NOS1AP: variants seen among roughly 807,000 people sequenced by gnomAD.
The protein encoded by NOS1AP is nitric oxide synthase 1 adaptor protein.
A neutral mutation model predicts 56.2 loss-of-function variants in NOS1AP; 21 were observed. The ratio of observed to expected loss-of-function variants is 0.37; its 90% CI spans 0.26 to 0.54. The LOEUF is 0.54. Among genes scored for constraint, NOS1AP ranks in the 20% least tolerant of loss-of-function variants. NOS1AP has a pLI of 0.84. For missense variants in NOS1AP, 522 were observed against 657.8 expected (o/e 0.79, Z 2.26); for synonymous variants, 270 against 274.6 (o/e 0.98, Z 0.17).
chr1:162,225,358 A>G (rs1031213929), intron 2 of NOS1AP, among the ~76,000 whole-genome samples: 3 of 152,028 alleles, frequency 2.0e-5, no homozygotes, highest in Non-Finnish European at 4.4e-5. Context: ...CTAGACCAGG[A>G]CACCCTCCAC....
intron 2 of NOS1AP, among the ~76,000 whole-genome samples, chr1:162,210,939 G>T (rs575754705): frequency 6.6e-6 from 1 of 152,334 alleles, no homozygotes; most frequent in East Asian, 1.9e-4. Context: ...GATGCTGGAG[G>T]GGCTGCAGTG....
chr1:162,181,362 T>C (rs1387359959), intron 2 of NOS1AP, among the ~76,000 whole-genome samples: 3 of 152,264 alleles, frequency 2.0e-5, no homozygotes, highest in Non-Finnish European at 4.4e-5. Context: ...AAGGATGTCA[T>C]GTTATTATGT....
intron 3 of NOS1AP, among the ~76,000 whole-genome samples, chr1:162,291,800 C>T (rs566232403): frequency 2.8e-4 from 43 of 152,296 alleles, no homozygotes; most frequent in African/African-American, 1.0e-3. Context: ...ATTAGCTGTA[C>T]TTTGATGTCT....
intron 1 of NOS1AP, among the ~76,000 whole-genome samples, chr1:162,085,709 A>G (rs1443323005): frequency 6.6e-6 from 1 of 152,182 alleles, no homozygotes; most frequent in Non-Finnish European, 1.5e-5. Flanking sequence ...TATTTGGGAC[A>G]CAGTGCTTAG....
At position 162,116,602 on chromosome 1, in the gene NOS1AP, A is replaced by G. The variant is rs568826804; in HGVS notation, c.106-37803A>G. Among the ~76,000 whole-genome samples, 32 of 152,356 alleles carry G rather than the reference A, an allele frequency of 2.1e-4. No homozygotes were observed. In the South Asian group the frequency reaches 2.3e-3, roughly 11 times the overall value. On this transcript the variant is annotated intron_variant, in intron 1 of 9. Transcript: ENST00000361897. The stretch of plus-strand genomic sequence containing the variant: ...GTAGTATGTTACCTTGGAATCAGCC[A>G]TAGTTAGGGACAACTGTGGATGCAG...
chr1:162,196,396 C>T (rs368903979), intron 2 of NOS1AP, among the ~76,000 whole-genome samples: 16 of 152,206 alleles, frequency 1.1e-4, no homozygotes, highest in Non-Finnish European at 2.2e-4. Context: ...TTGATTCATA[C>T]GTTTAACATT....
At chr1:162,345,789 C>T (rs2101809266) in intron 6 of NOS1AP, among the ~76,000 whole-genome samples, 1 of 152,266 alleles carries the variant, frequency 6.6e-6, no homozygotes, top group Admixed American at 6.5e-5. Context: ...GTACTGTGCA[C>T]TTCAGAATTA....
intron 2 of NOS1AP, among the ~76,000 whole-genome samples, chr1:162,223,402 T>C (rs905035718): frequency 2.6e-5 from 4 of 152,134 alleles, no homozygotes; most frequent in Non-Finnish European, 5.9e-5. Flanking sequence ...ATAGAATAGA[T>C]TCTGTATTGC....
chr1:162,359,720 G>A (rs976752866), intron 8 of NOS1AP, among the ~76,000 whole-genome samples: 29 of 94,690 alleles, frequency 3.1e-4, no homozygotes, highest in Admixed American at 2.7e-3. Flanking sequence ...TTCTCTACGC[G>A]GGGGGGGGCT....
chr1:162,361,229 A>G (rs17468951), intron 8 of NOS1AP, among the ~76,000 whole-genome samples: 50,821 of 151,976 alleles, frequency 0.33, 8,749 homozygotes, highest in Middle Eastern at 0.42. Flanking sequence ...AATATGGTCT[A>G]CTTTTACAAA....
At chr1:162,158,031 A>C (rs1261884666) in intron 2 of NOS1AP, among the ~76,000 whole-genome samples, 2 of 152,274 alleles carry the variant, frequency 1.3e-5, no homozygotes, top group East Asian at 3.9e-4. Context: ...GTAACATTAA[A>C]TTTAACTATT....
intron 1 of NOS1AP, among the ~76,000 whole-genome samples, chr1:162,111,113 T>C (rs1647692485): frequency 1.3e-5 from 2 of 152,056 alleles, no homozygotes; most frequent in African/African-American, 4.8e-5. Flanking sequence ...TGATGAGTGG[T>C]TTGTAGGAAG....
intron 2 of NOS1AP, among the ~76,000 whole-genome samples, chr1:162,176,737 G>A (rs770542222): frequency 7.2e-5 from 11 of 152,028 alleles, no homozygotes; most frequent in African/African-American, 1.2e-4. Flanking sequence ...TTGATCTCTT[G>A]ACCTGGTGAT....
chr1:162,316,576 A>G (rs1656238419), intron 4 of NOS1AP, among the ~76,000 whole-genome samples: 1 of 152,206 alleles, frequency 6.6e-6, no homozygotes, highest in African/African-American at 2.4e-5. Flanking sequence ...GCTTTGTGTG[A>G]GCAACATGGC....
At chr1:162,180,340 GT>G (rs775954424) in intron 2 of NOS1AP, among the ~76,000 whole-genome samples, 15 of 152,138 alleles carry the variant, frequency 9.9e-5, no homozygotes, top group Non-Finnish European at 1.6e-4. Flanking sequence ...CGCCTCCCGG[GT>G]TCACGCCGTT....
At chr1:162,297,156 G>A (rs1003882432) in intron 3 of NOS1AP, among the ~76,000 whole-genome samples, 2 of 152,148 alleles carry the variant, frequency 1.3e-5, no homozygotes, top group Non-Finnish European at 2.9e-5. Flanking sequence ...CCCTCTTTGG[G>A]GCTGCTTTCC....
At chr1:162,289,284 TC>T (rs1655206034) in intron 3 of NOS1AP, among the ~76,000 whole-genome samples, 1 of 134,910 alleles carries the variant, frequency 7.4e-6, no homozygotes, top group Non-Finnish European at 1.6e-5. Flanking sequence ...TTCCTTTCCT[TC>T]CTTCCTTCTT....
Position 162,076,796 on chromosome 1 carries a change from T to C in NOS1AP, c.105+6514T>C, listed in dbSNP as rs142480488. Reference sequence around the variant, plus strand: ...CCTGAACAGCCACTAATCTACTTGCTGTCTCTAGATTTGCCTATTCGGGAC... The same window carrying C: ...CCTGAACAGCCACTAATCTACTTGCCGTCTCTAGATTTGCCTATTCGGGAC... On this transcript the variant is annotated intron_variant, in intron 1 of 9. Transcript: ENST00000361897. 5.3e-5 allele frequency among the ~76,000 whole-genome samples: 8 copies of C among 152,362 alleles called. No individual in the cohort carries two copies. In the East Asian group the frequency reaches 1.5e-3, roughly 29 times the overall value.
chr1:162,225,665 C>A (rs577303478), intron 2 of NOS1AP, among the ~76,000 whole-genome samples: 1 of 152,322 alleles, frequency 6.6e-6, no homozygotes, highest in East Asian at 1.9e-4. Context: ...ACAGATGCAA[C>A]TAACCCAGGT....
Sources: gnomAD v4.1 joint callset for allele counts (sites outside exome capture counted in the v4.1 genomes callset) on GRCh38, gnomAD v4.1.1 for gene constraint, MANE v1.5 for transcripts, NCBI Gene and HGNC (gene_info 2026-07-23, HGNC 2026-07-21) for gene names.